The following CAMK4 variants were observed in gnomAD, a reference collection of about 807,000 sequenced individuals.
CAMK4 encodes the protein calcium/calmodulin-dependent protein kinase type IV.
Under a neutral mutation model 44.9 loss-of-function variants are expected in CAMK4, and 22 were observed. The ratio of observed to expected loss-of-function variants is 0.49; its 90% confidence interval spans 0.35 to 0.70. CAMK4 has a LOEUF of 0.70. Among genes scored for constraint, CAMK4 ranks in the 30% least tolerant of loss-of-function variants. CAMK4 has a pLI of 0.01. For missense variants in CAMK4, 498 were observed against 586.8 expected (o/e 0.85, Z 1.56); for synonymous variants, 218 against 215.4 (o/e 1.01, Z -0.11).
Position 111,484,353 on chromosome 5 carries a change from G to A in CAMK4, c.1309G>A (p.Ala437Thr). 6.2e-7 allele frequency: 1 copy of A among 1,612,670 alleles called. No homozygotes were observed. Among genetic ancestry groups the A allele is most frequent in the Non-Finnish European group, 8.5e-7 (1 of 1,179,434 alleles). The change falls in exon 11 of 11, where the codon GCA becomes ACA. Residue 437 changes from alanine (A) to threonine (T), a missense_variant. Around this residue, in one of 3 missense-constraint regions of CAMK4, gnomAD observed 143 missense variants for 144.9 expected, o/e 0.99. Transcript: ENST00000282356. This position sits in a 1 kb window ranked among gnomAD's most constrained non-coding sequence, Gnocchi z 5.3. ...TGACCTGGAACTAGAGGAGGGCCTA[G>A]CAGAGGAGAAGCTGAAGACTGTGGA... ...VADLELEEGL[A>T]EEKLKTVEEA...
chr5:111,432,450 A>G (rs1263148842), intron 5 of CAMK4, among the ~76,000 whole-genome samples: 1 of 151,968 alleles, frequency 6.6e-6, no homozygotes, highest in Non-Finnish European at 1.5e-5. Flanking sequence ...TGATAGCACA[A>G]TATGGTGATT....
rs1318276268 is a variant in CAMK4, at chr5:111,487,875, G to A, written c.*3409G>A. 6.6e-6 allele frequency: 1 copy of A among 152,136 alleles called. No homozygotes were observed. The highest frequency in any genetic ancestry group is 1.5e-5 in the Non-Finnish European group (1 of 68,024). 9.4% of individuals were successfully genotyped at this position (152,136 alleles called of 1,614,324 possible). On this transcript the variant is annotated 3_prime_UTR_variant, in exon 11 of 11. Coordinates refer to ENST00000282356, the MANE Select transcript of CAMK4 (RefSeq NM_001744.6). ...GCCACAAAGAAAGTGTTTCAGAAAT[G>A]TTACACACTGAGTAAAAGCTTATTG...
At chr5:111,417,869 G>A in intron 5 of CAMK4, among the ~76,000 whole-genome samples, 1 of 152,104 alleles carries the variant, frequency 6.6e-6, no homozygotes, top group South Asian at 2.1e-4. Context: ...CTTTTACCCT[G>A]GTGATATATT....
At position 111,405,241 on chromosome 5, in the gene CAMK4, G is replaced by A. The variant is rs184474718; in HGVS notation, c.459+10459G>A. On this transcript the variant is annotated intron_variant, in intron 5 of 10. Coordinates refer to ENST00000282356, the MANE Select transcript of CAMK4 (RefSeq NM_001744.6). Reference sequence around the variant, plus strand: ...TCCCAGCACTTTGGGAGGCCAAGGCGGGCGGATCACAAGGTCAAGAAATTG... The same window carrying A: ...TCCCAGCACTTTGGGAGGCCAAGGCAGGCGGATCACAAGGTCAAGAAATTG... Among the ~76,000 whole-genome samples, 249 of 152,302 alleles carry A rather than the reference G, an allele frequency of 1.6e-3. 2 individuals are homozygous for A. The highest frequency in any genetic ancestry group is 0.015 in the South Asian group (73 of 4,828).
intron 2 of CAMK4, among the ~76,000 whole-genome samples, chr5:111,353,117 T>C (rs1293495065): frequency 1.3e-5 from 2 of 152,122 alleles, no homozygotes; most frequent in East Asian, 3.9e-4. Flanking sequence ...GCCAGGTACC[T>C]AAATACAGAA....
At chr5:111,390,328 G>T (rs1052648778) in intron 4 of CAMK4, among the ~76,000 whole-genome samples, 7 of 151,990 alleles carry the variant, frequency 4.6e-5, no homozygotes, top group Non-Finnish European at 1.0e-4. Context: ...TAATCATTGA[G>T]GTTTTTTGAT....
intron 1 of CAMK4, among the ~76,000 whole-genome samples, chr5:111,256,159 C>T (rs150439103): frequency 1.4e-3 from 217 of 152,192 alleles, no homozygotes; most frequent in African/African-American, 4.9e-3. Context: ...ACTCAAGGGC[C>T]ATATGTTAGT....
At chr5:111,323,356 C>T (rs1413783421) in intron 1 of CAMK4, among the ~76,000 whole-genome samples, 3 of 151,998 alleles carry the variant, frequency 2.0e-5, no homozygotes, top group Non-Finnish European at 2.9e-5. Flanking sequence ...CTACTAAATG[C>T]ATATCATGTT....
chr5:111,479,646 G>A (rs1170404050), intron 9 of CAMK4, among the ~76,000 whole-genome samples: 1 of 152,150 alleles, frequency 6.6e-6, no homozygotes, highest in Non-Finnish European at 1.5e-5. Flanking sequence ...TATTAGGGCT[G>A]ATCCAGTCGT....
chr5:111,452,025 T>C (rs1754255976), intron 7 of CAMK4, among the ~76,000 whole-genome samples: 1 of 152,254 alleles, frequency 6.6e-6, no homozygotes, highest in Admixed American at 6.5e-5. Flanking sequence ...CTAAGCATTT[T>C]ATAATATTGT....
At chr5:111,480,288 A>ACACACACACC (rs1364533152) in intron 9 of CAMK4, among the ~76,000 whole-genome samples, 7 of 145,116 alleles carry the variant, frequency 4.8e-5, no homozygotes, top group Admixed American at 1.4e-4. Context: ...ACACACACAC[A>ACACACACACC]CCCCTGGGTA....
At position 111,493,947 on chromosome 5, in the gene CAMK4, CG is replaced by C. The variant is rs766109218; in HGVS notation, c.*9482del. 6.6e-6 allele frequency: 1 copy of C among 152,072 alleles called. No individual in the cohort carries two copies. Among genetic ancestry groups the C allele is most frequent in the Non-Finnish European group, 1.5e-5 (1 of 68,010 alleles). The allele number at this position is 152,072 out of a possible 1,614,324, so 9.4% of individuals were successfully genotyped here. On this transcript the variant is annotated 3_prime_UTR_variant, in exon 11 of 11. Coordinates refer to ENST00000282356, the MANE Select transcript of CAMK4 (RefSeq NM_001744.6). This position sits in a 1 kb window ranked among gnomAD's most constrained non-coding sequence, Gnocchi z 4.1. ...AGAATTACTGTGAGGTTACAAAAATCGTAAGTTAGCAGACATTGAGAAAGGA... is the reference window on the plus strand; with the variant it reads ...AGAATTACTGTGAGGTTACAAAAATCTAAGTTAGCAGACATTGAGAAAGGA...
chr5:111,367,651 A>G (rs1750844066), intron 2 of CAMK4, among the ~76,000 whole-genome samples: 1 of 152,142 alleles, frequency 6.6e-6, no homozygotes, highest in Non-Finnish European at 1.5e-5. Context: ...TTGGGTTTAA[A>G]TGAGATAGGA....
intron 6 of CAMK4, among the ~76,000 whole-genome samples, chr5:111,448,126 C>T (rs1754092117): frequency 6.6e-6 from 1 of 152,186 alleles, no homozygotes; most frequent in Admixed American, 6.5e-5. Flanking sequence ...TGAATGGTTT[C>T]CTGATGTTTC....
intron 5 of CAMK4, among the ~76,000 whole-genome samples, chr5:111,401,371 C>T (rs911387885): frequency 1.3e-5 from 2 of 152,112 alleles, no homozygotes; most frequent in Non-Finnish European, 2.9e-5. Flanking sequence ...TGCATTTCTT[C>T]AGGAACTACA....
At chr5:111,359,271 AG>A (rs1750506044) in intron 2 of CAMK4, among the ~76,000 whole-genome samples, 2 of 3,276 alleles carry the variant, frequency 6.1e-4, no homozygotes, top group African/African-American at 9.7e-4. Flanking sequence ...GACTGGTGTG[AG>A]ATGGTATTTG....
intron 5 of CAMK4, among the ~76,000 whole-genome samples, chr5:111,420,271 A>T (rs1308651247): frequency 6.6e-6 from 1 of 152,090 alleles, no homozygotes; most frequent in Non-Finnish European, 1.5e-5. Context: ...AATGCTGGTG[A>T]TTTTTGTACA....
chr5:111,373,471 G>A (rs906105620), intron 2 of CAMK4, among the ~76,000 whole-genome samples: 9 of 152,020 alleles, frequency 5.9e-5, no homozygotes, highest in African/African-American at 2.2e-4. Context: ...TATAAAGTTG[G>A]AAAAATTTTT....
intron 1 of CAMK4, among the ~76,000 whole-genome samples, chr5:111,255,039 T>C (rs1447451108): frequency 1.3e-5 from 2 of 149,850 alleles, no homozygotes; most frequent in South Asian, 4.3e-4. Context: ...AGCTATACTT[T>C]GTCCAACTTT....
Sources: gnomAD v4.1 joint callset for allele counts (sites outside exome capture counted in the v4.1 genomes callset) on GRCh38, gnomAD v4.1.1 for gene constraint, gnomAD v4.1.1 regional missense constraint, Gnocchi (gnomAD v3.1) non-coding constraint, MANE v1.5 for transcripts, NCBI Gene and HGNC (gene_info 2026-07-23, HGNC 2026-07-21) for gene names.